Variants in AJAP1 observed in about 807,000 individuals in gnomAD.
AJAP1 encodes adherens junctions associated protein 1.
Under a neutral mutation model 35.0 loss-of-function variants are expected in AJAP1, and 5 were observed. That is an observed-to-expected ratio of 0.14 (90% CI 0.07 to 0.30). The LOEUF (loss-of-function observed/expected upper bound fraction) is 0.30, where lower values mean the gene tolerates loss of function less well. Among genes scored for constraint, AJAP1 ranks in the 10% least tolerant of loss-of-function variants. The probability of loss-of-function intolerance (pLI) is 1.00; values close to 1 mark genes in which losing one functional copy is unlikely to be tolerated. For synonymous variants in AJAP1, 284 were observed against 249.3 expected (o/e 1.14, Z -1.31); for missense variants, 586 against 571.0 (o/e 1.03, Z -0.27).
At chr1:4,766,745 G>A (rs1036576017) in intron 2 of AJAP1, among the ~76,000 whole-genome samples, 2 of 152,218 alleles carry the variant, frequency 1.3e-5, no homozygotes, top group African/African-American at 4.8e-5. Context: ...GTGCAGGTGT[G>A]TGGGATTTGG....
chr1:4,719,264 C>T (rs1640464911), intron 2 of AJAP1, among the ~76,000 whole-genome samples: 1 of 152,220 alleles, frequency 6.6e-6, no homozygotes, highest in Non-Finnish European at 1.5e-5. Context: ...GTAAATGCCA[C>T]ACCTCGGGGT....
intron 2 of AJAP1, among the ~76,000 whole-genome samples, chr1:4,732,039 C>T (rs1231029437): frequency 6.6e-6 from 1 of 152,234 alleles, no homozygotes; most frequent in Non-Finnish European, 1.5e-5. Context: ...ATGCAGGAGC[C>T]CCCTTTCTGA....
intron 2 of AJAP1, among the ~76,000 whole-genome samples, chr1:4,759,821 G>T (rs1047816226): frequency 6.6e-6 from 1 of 151,998 alleles, no homozygotes; most frequent in Admixed American, 6.5e-5. Context: ...TGCTGGTGGC[G>T]CTGGGAGTTG....
chr1:4,708,300 GAGTTTCA>G (rs1279988637), intron 1 of AJAP1, among the ~76,000 whole-genome samples: 3 of 152,126 alleles, frequency 2.0e-5, no homozygotes, highest in Non-Finnish European at 4.4e-5. Context: ...GTGGATGCTT[GAGTTTCA>G]GGGGAGCTGG....
intron 2 of AJAP1, among the ~76,000 whole-genome samples, chr1:4,764,705 A>G (rs950995136): frequency 2.0e-5 from 3 of 152,190 alleles, no homozygotes; most frequent in African/African-American, 7.2e-5. Flanking sequence ...TGCATTGTGA[A>G]ATCAGCTGTG....
At chr1:4,701,618 G>T (rs1639991539) in intron 1 of AJAP1, among the ~76,000 whole-genome samples, 1 of 152,186 alleles carries the variant, frequency 6.6e-6, no homozygotes, top group Non-Finnish European at 1.5e-5. Flanking sequence ...AGCATCCCTG[G>T]CTTCTGTCAC....
At chr1:4,688,983 T>C (rs1352114055) in intron 1 of AJAP1, among the ~76,000 whole-genome samples, 4 of 152,020 alleles carry the variant, frequency 2.6e-5, no homozygotes, top group Non-Finnish European at 4.4e-5. Flanking sequence ...GCCCCTCCAG[T>C]ACCCACCAGT....
chr1:4,708,982 G>A (rs1360661030), intron 1 of AJAP1, among the ~76,000 whole-genome samples: 1 of 152,224 alleles, frequency 6.6e-6, no homozygotes, highest in Non-Finnish European at 1.5e-5. Flanking sequence ...TGTTGCAATT[G>A]GTTGGTTTTT....
Position 4,712,298 on chromosome 1 carries a change from G to A in AJAP1, c.428G>A (p.Gly143Asp). Residue 143 changes from glycine to aspartate, a missense_variant, in exon 2 of 6, where the codon GGT (glycine) becomes GAT (aspartate). Transcript: ENST00000378191. ...TCGTCCTCGTCCTCCGCGGTGGCCG[G>A]TGGGGCCCCGGAGCAGCAGGCCCTC... is the stretch of plus-strand genomic sequence containing the variant. Reference protein sequence around the residue: ...SSSSSSSAVAGGAPEQQALLR... With the variant: ...SSSSSSSAVADGAPEQQALLR... 6.7e-7 allele frequency: 1 copy of A among 1,493,850 alleles called. No homozygotes were observed. The highest frequency in any genetic ancestry group is 8.9e-7 in the Non-Finnish European group (1 of 1,123,394). 92.5% of individuals were successfully genotyped at this position (1,493,850 alleles called of 1,614,324 possible).
intron 2 of AJAP1, among the ~76,000 whole-genome samples, chr1:4,758,591 C>G (rs1189722521): frequency 6.6e-6 from 1 of 152,184 alleles, no homozygotes; most frequent in East Asian, 1.9e-4. Flanking sequence ...GAAACCACCC[C>G]AACCCCCATG....
chr1:4,663,546 G>A (rs1208218690), intron 1 of AJAP1, among the ~76,000 whole-genome samples: 4 of 152,294 alleles, frequency 2.6e-5, no homozygotes, highest in South Asian at 2.1e-4. Context: ...AACCCATGGC[G>A]CCCAGGCACC....
At chr1:4,732,968 C>T (rs947086034) in intron 2 of AJAP1, among the ~76,000 whole-genome samples, 1 of 152,220 alleles carries the variant, frequency 6.6e-6, no homozygotes, top group Non-Finnish European at 1.5e-5. Context: ...GGTCCAAATT[C>T]CCCACAAATG....
rs1332051437 is a variant in AJAP1, at chr1:4,782,566, A to C, written c.*81A>C. 1 of 393,366 alleles carries C rather than the reference A, an allele frequency of 2.5e-6. No individual in the cohort carries two copies. Among genetic ancestry groups the C allele is most frequent in the Non-Finnish European group, 4.5e-6 (1 of 223,292 alleles). 24.4% of individuals were successfully genotyped at this position (393,366 alleles called of 1,614,324 possible). A position where few individuals can be genotyped will look rare whatever the true frequency, so the allele number is the denominator to read the frequency against. On this transcript the variant is annotated 3_prime_UTR_variant, in exon 6 of 6. Transcript: ENST00000378191. The surrounding 1 kb of genome is among the most constrained non-coding windows in gnomAD (Gnocchi z 5.3). ...ACAGGATTCCGTTGGTGAACCTGTA[A>C]AAACAAAACAAACAAAACAAAACAA...
In AJAP1 at chr1:4,740,557, G is replaced by C. The variant is rs899213875; in HGVS notation, c.829+27858G>C. On this transcript the variant is annotated intron_variant, in intron 2 of 5. Transcript: ENST00000378191. The stretch of plus-strand genomic sequence containing the variant: ...TCCCAGCACTTTGGGAGGCCGAGGC[G>C]GGCAGATCACAAGGTCAGGAGATCG... 2.6e-5 allele frequency among the ~76,000 whole-genome samples: 4 copies of C among 151,950 alleles called. No individual in the cohort carries two copies. The East Asian group carries it at 7.8e-4, about 30-fold the overall frequency.
chr1:4,735,302 G>A (rs111302004), intron 2 of AJAP1, among the ~76,000 whole-genome samples: 1 of 152,230 alleles, frequency 6.6e-6, no homozygotes, highest in African/African-American at 2.4e-5. Flanking sequence ...GAGATGGGGA[G>A]AGAAGTCATC....
At chr1:4,716,503 A>G (rs1640392638) in intron 2 of AJAP1, among the ~76,000 whole-genome samples, 1 of 152,118 alleles carries the variant, frequency 6.6e-6, no homozygotes, top group Non-Finnish European at 1.5e-5. Context: ...GATGGTGATG[A>G]TGATGGTGAC....
chr1:4,757,604 A>G (rs113788643), intron 2 of AJAP1, among the ~76,000 whole-genome samples: 2,422 of 152,324 alleles, frequency 0.016, 54 homozygotes, highest in African/African-American at 0.054. Context: ...TGGGTCTACT[A>G]CAGACACTCA....
intron 2 of AJAP1, among the ~76,000 whole-genome samples, chr1:4,769,602 G>A (rs1641786847): frequency 2.0e-5 from 3 of 152,178 alleles, no homozygotes; most frequent in Admixed American, 6.5e-5. Flanking sequence ...TGACAGGGTG[G>A]TGGTGGAAGG....
In AJAP1 at chr1:4,783,325, A is replaced by G. The variant is rs1053272771; in HGVS notation, c.*840A>G. 1 of 151,836 alleles carries G rather than the reference A, an allele frequency of 6.6e-6. No homozygotes were observed. The highest frequency in any genetic ancestry group is 2.4e-5 in the African/African-American group (1 of 41,298). 9.4% of individuals were successfully genotyped at this position (151,836 alleles called of 1,614,324 possible). A position where few individuals can be genotyped will look rare whatever the true frequency, so the allele number is the denominator to read the frequency against. On this transcript the variant is annotated 3_prime_UTR_variant, in exon 6 of 6. Transcript: ENST00000378191. Reference sequence around the variant, plus strand: ...TCTGGTGACCTGGTATTCCATCACCATTCACCCCAGGGGACAGCCTCGACC... The same window carrying G: ...TCTGGTGACCTGGTATTCCATCACCGTTCACCCCAGGGGACAGCCTCGACC...
Sources: allele counts gnomAD v4.1 joint callset (sites outside exome capture counted in the v4.1 genomes callset), GRCh38; gene constraint gnomAD v4.1.1; non-coding constraint Gnocchi (gnomAD v3.1); transcripts MANE v1.5; gene names NCBI Gene and HGNC (gene_info 2026-07-23, HGNC 2026-07-21).